The following WDR45 variants were observed in gnomAD, a reference collection of about 807,000 sequenced individuals.
WDR45 encodes WD repeat domain 45.
Under a neutral mutation model 27.3 loss-of-function variants are expected in WDR45, and 2 were observed. The ratio of observed to expected loss-of-function variants is 0.07; its 90% confidence interval spans 0.03 to 0.23. WDR45 has a LOEUF of 0.23. WDR45 is among the 10% of genes least tolerant of loss of function. The pLI is 1.00. For missense variants in WDR45, 175 were observed against 311.9 expected (o/e 0.56, Z 3.31); for synonymous variants, 99 against 119.2 (o/e 0.83, Z 1.11).
At chrX:49,074,987 C>T in intron 10 of WDR45, 75 bp from the exon 11 acceptor site, 1 of 1,127,924 alleles carries the variant, frequency 8.9e-7, no homozygotes, top group Non-Finnish European at 1.2e-6. Context: ...CATCTCAGGA[C>T]CTAGGGTCTG....
chrX:49,095,950 TAGTAGA>T (rs1471359025), intron 2 of WDR45, among the ~76,000 whole-genome samples: 2 of 105,616 alleles, frequency 1.9e-5, no homozygotes, highest in African/African-American at 3.5e-5. Context: ...TTTTTTTTTT[TAGTAGA>T]GATAGGGTTT....
intron 4 of WDR45, 65 bp from the exon 5 acceptor site, chrX:49,076,815 A>C: frequency 1.1e-6 from 1 of 946,669 alleles, no homozygotes. Flanking sequence ...CTGGTGACAC[A>C]GGATCCACCC....
At chrX:49,083,412 G>C (rs1468624973), upstream of WDR45, among the ~76,000 whole-genome samples, 1 of 99,680 alleles carries the variant, frequency 1.0e-5, no homozygotes, top group Non-Finnish European at 2.0e-5. Context: ...AATCCTGTCT[G>C]ATCCTCTCTT....
intron 2 of WDR45, among the ~76,000 whole-genome samples, chrX:49,098,842 T>C (rs1216419226): frequency 8.9e-6 from 1 of 111,822 alleles, no homozygotes; most frequent in Non-Finnish European, 1.9e-5. Context: ...ATATAGCTTA[T>C]TGTATGTTTG....
intron 2 of WDR45, among the ~76,000 whole-genome samples, chrX:49,094,088 C>T (rs2065116720): frequency 9.0e-6 from 1 of 111,029 alleles, no homozygotes; most frequent in African/African-American, 3.3e-5. Flanking sequence ...TAGCATGGAA[C>T]CCACAAGGTC....
Position 49,074,901 on chromosome X carries a change from C to T in WDR45, c.985G>A (p.Asp329Asn). ...AAGACATATTTGTGGAAGGTCCCAT[C>T]TACGCAGATGGCTGGGGGAGGGGGG... ...NVNSVIAICV[D>N]GTFHKYVFTP... The change falls in exon 11 of 11, where the codon GAT (aspartate) becomes AAT (asparagine). Residue 329 changes from aspartate to asparagine, a missense_variant. Asp to Asn is a conservative substitution (Grantham distance 23). This residue lies in a region of WDR45 where 71 missense variants were observed against 123.0 expected (regional missense o/e 0.58). Coordinates refer to ENST00000376372, the MANE Select transcript of WDR45 (RefSeq NM_001029896.2). 2.5e-6 allele frequency: 3 copies of T among 1,208,212 alleles called. No homozygotes were observed. Among genetic ancestry groups the T allele is most frequent in the Non-Finnish European group, 3.4e-6 (3 of 892,008 alleles).
intron 4 of WDR45, 28 bp downstream of exon 4, chrX:49,077,615 G>T: frequency 8.6e-7 from 1 of 1,162,339 alleles, no homozygotes; most frequent in Non-Finnish European, 1.2e-6. Context: ...GAGAAATCTG[G>T]GCCAAAGGGC....
chrX:49,086,890 GCCT>G (rs1251436006), intron 2 of WDR45, among the ~76,000 whole-genome samples: 15 of 109,131 alleles, frequency 1.4e-4, no homozygotes, highest in African/African-American at 4.7e-4. Flanking sequence ...ACTGTGCCCA[GCCT>G]CCTTTTTTTC....
rs1057524612 is a variant in WDR45, at chrX:49,075,354, G to C, written c.827+10C>G. The C allele has an allele frequency of 1.7e-6, 2 of 1,208,242 alleles. No homozygotes were observed. The highest frequency in any genetic ancestry group is 1.7e-5 in the African/African-American group (1 of 57,918). On this transcript the variant is annotated intron_variant, in intron 9 of 10. Transcript: ENST00000376372. ...ACAGGGACACGGTAGGGTGGGGAGG[G>C]GGTACTCACGCGGAGCGGCGGTTGA...
At chrX:49,076,122 T>C (rs782042327) in intron 6 of WDR45, 177 bp from the exon 7 acceptor site, 4 of 476,196 alleles carry the variant, frequency 8.4e-6, no homozygotes, top group Admixed American at 3.9e-5. Context: ...CATTCCTTGC[T>C]CTGCAGCTGT....
At chrX:49,093,532 T>C (rs933818545) in intron 2 of WDR45, among the ~76,000 whole-genome samples, 89 of 103,872 alleles carry the variant, frequency 8.6e-4, no homozygotes, top group Non-Finnish European at 1.5e-3. Flanking sequence ...CAGCCTTCTT[T>C]TTTTTTTTTT....
At chrX:49,090,208 C>T (rs1213998781) in intron 2 of WDR45, among the ~76,000 whole-genome samples, 2 of 110,666 alleles carry the variant, frequency 1.8e-5, no homozygotes, top group Admixed American at 9.7e-5. Flanking sequence ...GGATTACAGG[C>T]GCCTGCCACC....
In WDR45 at chrX:49,075,468, A is replaced by G; in HGVS notation, c.726-3T>C. ...AGGAGTCGTGGCTGAAGTTAATGCT[A>G]GAAGACAGATCAGCAGTGATGCCCA... On this transcript the variant is annotated splice_polypyrimidine_tract_variant and splice_region_variant and intron_variant, in intron 8 of 10. Transcript: ENST00000376372. The G allele has an allele frequency of 8.3e-7, 1 of 1,210,507 alleles. No individual in the cohort carries two copies. Among genetic ancestry groups the G allele is most frequent in the Non-Finnish European group, 1.1e-6 (1 of 894,640 alleles).
chrX:49,083,338 T>TC (rs1557085496), upstream of WDR45, among the ~76,000 whole-genome samples: 1 of 102,589 alleles, frequency 9.7e-6, no homozygotes. Context: ...TTTTTTTTTT[T>TC]CTCCATCTCT....
At chrX:49,077,290 G>A (rs2065043368) in intron 4 of WDR45, 2 of 263,687 alleles carry the variant, frequency 7.6e-6, no homozygotes, top group Non-Finnish European at 1.4e-5. Flanking sequence ...TCACTTAACT[G>A]CACTGGGCCT....
intron 2 of WDR45, among the ~76,000 whole-genome samples, chrX:49,095,081 C>A (rs1267194157): frequency 9.0e-6 from 1 of 110,750 alleles, no homozygotes; most frequent in Middle Eastern, 4.3e-3. Flanking sequence ...AGCCACCGAG[C>A]CCGACCATCC....
intron 9 of WDR45, 22 bp from the exon 10 acceptor site, chrX:49,075,303 C>T: frequency 8.3e-7 from 1 of 1,210,322 alleles, no homozygotes; most frequent in Non-Finnish European, 1.1e-6. Flanking sequence ...ACTGGCTAAG[C>T]CCAGGTATGG....
chrX:49,076,385 T>A, intron 6 of WDR45, 45 bp downstream of exon 6: 1 of 1,168,063 alleles, frequency 8.6e-7, no homozygotes, highest in Non-Finnish European at 1.2e-6. Context: ...CTCTGCCCCA[T>A]CCACTGTTTC....
At chrX:49,080,808 TAAAA>T (rs374071162), upstream of WDR45, among the ~76,000 whole-genome samples, 17 of 81,238 alleles carry the variant, frequency 2.1e-4, no homozygotes, top group Non-Finnish European at 1.8e-4. Context: ...TGCTTTGGGT[TAAAA>T]AAAAAAAAAA....
Sources: allele counts gnomAD v4.1 joint callset (sites outside exome capture counted in the v4.1 genomes callset), GRCh38; gene constraint gnomAD v4.1.1; regional missense constraint gnomAD v4.1.1; transcripts MANE v1.5; gene names NCBI Gene and HGNC (gene_info 2026-07-23, HGNC 2026-07-21).